KIAA0586: variants seen among roughly 807,000 people sequenced by gnomAD.
KIAA0586 encodes the protein protein TALPID3.
KIAA0586 carries 144 observed loss-of-function variants against 169.8 expected under a neutral mutation model. The ratio of observed to expected loss-of-function variants is 0.85; its 90% CI spans 0.74 to 0.97. The LOEUF (loss-of-function observed/expected upper bound fraction) is 0.97. KIAA0586 is among the 50% of genes least tolerant of loss of function. The probability of loss-of-function intolerance (pLI) is 0.00; values close to 1 mark genes in which losing one functional copy is unlikely to be tolerated. For missense variants in KIAA0586, 1,854 were observed against 1,823.0 expected (o/e 1.02, Z -0.31); for synonymous variants, 625 against 612.4 (o/e 1.02, Z -0.30).
rs370932857 is a variant in KIAA0586 at position 58,441,495 on chromosome 14, C to T, written c.411-1211C>T. Among the ~76,000 whole-genome samples, 4 of 152,168 alleles carry T rather than the reference C, an allele frequency of 2.6e-5. 1 individual carries two copies. ...GGATAACATGTGCTAGCCACTGCAC[C>T]TGGCCGATAATGTTATAATTCTTAT... On this transcript the variant is annotated intron_variant, in intron 4 of 30. Transcript: ENST00000652326.
chr14:58,519,223 A>G (rs916755495), intron 29 of KIAA0586, among the ~76,000 whole-genome samples: 1 of 152,166 alleles, frequency 6.6e-6, no homozygotes, highest in African/African-American at 2.4e-5. Context: ...ATTCATCACA[A>G]TACCATGCCA....
intron 27 of KIAA0586, among the ~76,000 whole-genome samples, chr14:58,508,135 T>C (rs1336929498): frequency 6.6e-6 from 1 of 152,136 alleles, no homozygotes; most frequent in Non-Finnish European, 1.5e-5. Flanking sequence ...AAGAACAAAA[T>C]CTACAGAATA....
intron 30 of KIAA0586, among the ~76,000 whole-genome samples, chr14:58,546,304 A>G (rs1000758448): frequency 6.6e-6 from 1 of 152,182 alleles, no homozygotes; most frequent in East Asian, 1.9e-4. Context: ...GTCTTTATTA[A>G]ATTTCCTTAT....
At chr14:58,504,157 G>C (rs2043772995) in intron 27 of KIAA0586, among the ~76,000 whole-genome samples, 1 of 152,128 alleles carries the variant, frequency 6.6e-6, no homozygotes, top group Non-Finnish European at 1.5e-5. Flanking sequence ...CAATGTGATG[G>C]ATAGATTGGA....
chr14:58,547,323 C>G (rs937824717), intron 30 of KIAA0586, among the ~76,000 whole-genome samples: 5 of 152,108 alleles, frequency 3.3e-5, no homozygotes, highest in African/African-American at 4.8e-5. Flanking sequence ...GAGTGCTAAG[C>G]TCTGTTGTTG....
At chr14:58,475,312 C>T (rs763133165) in intron 19 of KIAA0586, among the ~76,000 whole-genome samples, 28 of 152,190 alleles carry the variant, frequency 1.8e-4, no homozygotes, top group Non-Finnish European at 3.1e-4. Flanking sequence ...CTAGGTTGCA[C>T]GCTCCCTATG....
At chr14:58,475,269 C>T (rs2041521032) in intron 19 of KIAA0586, among the ~76,000 whole-genome samples, 1 of 152,164 alleles carries the variant, frequency 6.6e-6, no homozygotes, top group South Asian at 2.1e-4. Flanking sequence ...CATAGAAGCA[C>T]AAACCCTATT....
At chr14:58,558,141 C>A in the KIAA0586 span, among the ~76,000 whole-genome samples, 1 of 151,878 alleles carries the variant, frequency 6.6e-6, no homozygotes, top group Non-Finnish European at 1.5e-5. Flanking sequence ...AAATTCCTGG[C>A]CTCAAGTGAC....
At chr14:58,513,500 T>G (rs2044539209) in intron 29 of KIAA0586, among the ~76,000 whole-genome samples, 1 of 151,980 alleles carries the variant, frequency 6.6e-6, no homozygotes, top group Non-Finnish European at 1.5e-5. Flanking sequence ...TTATGCCACT[T>G]AAGGTTTAGG....
At position 58,490,306 on chromosome 14, in the gene KIAA0586, C is replaced by T. The variant is rs374137533; in HGVS notation, c.3858+66C>T. ...GAATATCTGTATGAATTGGTTGCCA[C>T]TGATCAGGTTTTTTCTCAATTTTTT... On this transcript the variant is annotated intron_variant, in intron 25 of 30. Coordinates refer to ENST00000652326, the MANE Select transcript of KIAA0586 (RefSeq NM_001329943.3). The T allele has an allele frequency of 7.9e-6, 7 of 888,534 alleles. 1 individual carries two copies. The allele number at this position is 888,534 out of a possible 1,614,324, so 55.0% of individuals were successfully genotyped here.
chr14:58,547,960 T>A lies in KIAA0586; in HGVS notation c.*28T>A. 2.5e-6 allele frequency: 4 copies of A among 1,609,428 alleles called. No individual in the cohort carries two copies. The highest frequency in any genetic ancestry group is 3.4e-6 in the Non-Finnish European group (4 of 1,177,134). ...GGGAAGAGACAGCCAGCACAGTGTT[T>A]ATGCCACTGGTTTTAAAGTCATTTT... On this transcript the variant is annotated 3_prime_UTR_variant, in exon 31 of 31. Transcript: ENST00000652326.
At chr14:58,442,965 C>T in intron 5 of KIAA0586, 85 bp downstream of exon 5, 1 of 991,420 alleles carries the variant, frequency 1.0e-6, no homozygotes, top group South Asian at 1.7e-5. Flanking sequence ...ATGGTTGTGT[C>T]CAGTTATAGA....
intron 29 of KIAA0586, among the ~76,000 whole-genome samples, chr14:58,514,804 G>A (rs1014481524): frequency 2.0e-5 from 3 of 152,082 alleles, no homozygotes; most frequent in Admixed American, 6.6e-5. Flanking sequence ...ACTGATTAAT[G>A]TATCTAACAG....
rs2038066067 is a variant in KIAA0586 at position 58,439,026 on chromosome 14, TGAGA to T, written c.411-3673_411-3670del. On this transcript the variant is annotated intron_variant, in intron 4 of 30. Transcript: ENST00000652326. ...GTAATAGGTGATGAAACCTTACGGTTGAGAGAGAGAAGTGAGAAGGGAAATGTGC... is the reference window on the plus strand; with the variant it reads ...GTAATAGGTGATGAAACCTTACGGTTGAGAGAAGTGAGAAGGGAAATGTGC... 2.0e-5 allele frequency among the ~76,000 whole-genome samples: 3 copies of T among 152,060 alleles called. No individual in the cohort carries two copies. In the South Asian group the frequency reaches 6.2e-4, roughly 32 times the overall value.
chr14:58,487,420 A>C (rs985513094), intron 22 of KIAA0586, among the ~76,000 whole-genome samples: 4 of 152,144 alleles, frequency 2.6e-5, no homozygotes, highest in African/African-American at 7.2e-5. Flanking sequence ...CAGCCTGACC[A>C]ACATGGTGAA....
At chr14:58,556,471 C>T in the KIAA0586 span, among the ~76,000 whole-genome samples, 19 of 152,136 alleles carry the variant, frequency 1.2e-4, no homozygotes, top group Admixed American at 1.2e-3. Context: ...CAATGAATTT[C>T]TACTTTTGTC....
chr14:58,530,773 T>G (rs528353622), intron 29 of KIAA0586, among the ~76,000 whole-genome samples: 5 of 152,306 alleles, frequency 3.3e-5, no homozygotes, highest in Middle Eastern at 3.4e-3. Context: ...ATTCAGGACA[T>G]AGGCATGGGC....
At chr14:58,484,594 C>T (rs1422085950) in intron 21 of KIAA0586, among the ~76,000 whole-genome samples, 1 of 151,358 alleles carries the variant, frequency 6.6e-6, no homozygotes, top group Non-Finnish European at 1.5e-5. Flanking sequence ...ACCTTCAGAT[C>T]CTTTCATCAT....
At chr14:58,518,057 ATAAC>A (rs1443796922) in intron 29 of KIAA0586, among the ~76,000 whole-genome samples, 1 of 152,286 alleles carries the variant, frequency 6.6e-6, no homozygotes, top group African/African-American at 2.4e-5. Flanking sequence ...TAGTGTCTAT[ATAAC>A]TAAGAATTTT....
Sources: allele counts gnomAD v4.1 joint callset (sites outside exome capture counted in the v4.1 genomes callset), GRCh38; gene constraint gnomAD v4.1.1; transcripts MANE v1.5; gene names NCBI Gene and HGNC (gene_info 2026-07-23, HGNC 2026-07-21).